Variants in POT1 observed in about 807,000 individuals in gnomAD.
The protein encoded by POT1 is protection of telomeres protein 1.
POT1 carries 47 observed loss-of-function variants against 78.5 expected under a neutral mutation model. That is an observed-to-expected ratio of 0.60 (90% CI 0.47 to 0.76). The LOEUF (loss-of-function observed/expected upper bound fraction) is 0.76. Among genes scored for constraint, POT1 ranks in the 30% least tolerant of loss-of-function variants. The pLI is 0.00. For missense variants in POT1, 646 were observed against 749.9 expected (o/e 0.86, Z 1.62); for synonymous variants, 259 against 260.7 (o/e 0.99, Z 0.06).
chr7:124,908,255 G>C (rs772805509), intron 3 of POT1, among the ~76,000 whole-genome samples: 7 of 152,034 alleles, frequency 4.6e-5, no homozygotes, highest in Non-Finnish European at 7.4e-5. Flanking sequence ...TGATAGTGCA[G>C]TGATTGACAG....
At chr7:124,863,679 A>C (rs1440582222) in intron 7 of POT1, 39 bp from the exon 8 acceptor site, 1 of 1,477,172 alleles carries the variant, frequency 6.8e-7, no homozygotes, top group Non-Finnish European at 9.2e-7. Context: ...GATACAAATA[A>C]AATAGCTTAC....
At chr7:124,862,093 T>C (rs1308812824) in intron 8 of POT1, among the ~76,000 whole-genome samples, 1 of 152,190 alleles carries the variant, frequency 6.6e-6, no homozygotes, top group Non-Finnish European at 1.5e-5. Flanking sequence ...ATGGGCTCTT[T>C]TTTGACTTTT....
intron 6 of POT1, among the ~76,000 whole-genome samples, chr7:124,890,553 T>G (rs1184587384): frequency 6.6e-6 from 1 of 151,872 alleles, no homozygotes; most frequent in Non-Finnish European, 1.5e-5. Flanking sequence ...TCAATTGATA[T>G]GAGAAACTTC....
chr7:124,878,819 G>A (rs180842472), intron 6 of POT1, among the ~76,000 whole-genome samples: 2 of 152,130 alleles, frequency 1.3e-5, no homozygotes, highest in Admixed American at 1.3e-4. Flanking sequence ...CATAGAGATA[G>A]CCAAAGAATG....
Position 124,856,790 on chromosome 7 carries a change from A to T in POT1, c.702+2167T>A, listed in dbSNP as rs192810671. Among the ~76,000 whole-genome samples, 3 of 152,352 alleles carry T rather than the reference A, an allele frequency of 2.0e-5. No homozygotes were observed. In the East Asian group the frequency reaches 5.8e-4, roughly 29 times the overall value. On this transcript the variant is annotated intron_variant, in intron 9 of 18. Coordinates refer to ENST00000357628, the MANE Select transcript of POT1 (RefSeq NM_015450.3). ...TGTAAATTCATTTTATTTATGAAAG[A>T]ACTCTATGAAAAAACCTCCAGAACT...
At chr7:124,865,149 A>G (rs1795690027) in intron 7 of POT1, among the ~76,000 whole-genome samples, 1 of 152,068 alleles carries the variant, frequency 6.6e-6, no homozygotes, top group Admixed American at 6.6e-5. Flanking sequence ...TCTGGGTGTC[A>G]CTGTCTCTGG....
chr7:124,833,406 A>T (rs1261677092), intron 15 of POT1, among the ~76,000 whole-genome samples: 1 of 152,190 alleles, frequency 6.6e-6, no homozygotes, highest in Non-Finnish European at 1.5e-5. Flanking sequence ...ACAAATGTAG[A>T]AGTCGGAAAG....
At chr7:124,849,740 A>T (rs1359159366) in intron 11 of POT1, among the ~76,000 whole-genome samples, 4 of 152,166 alleles carry the variant, frequency 2.6e-5, no homozygotes, top group Admixed American at 2.6e-4. Context: ...ATGAAAAATG[A>T]AAAAAGCATA....
chr7:124,859,904 T>G (rs527280807), intron 8 of POT1, among the ~76,000 whole-genome samples: 17 of 151,624 alleles, frequency 1.1e-4, no homozygotes, highest in Non-Finnish European at 2.5e-4. Flanking sequence ...GATCAACAAA[T>G]TTATTAAATT....
At chr7:124,890,042 G>A (rs1302020193) in intron 6 of POT1, among the ~76,000 whole-genome samples, 3 of 151,744 alleles carry the variant, frequency 2.0e-5, no homozygotes, top group African/African-American at 4.8e-5. Context: ...GATGGACTGC[G>A]GCAAAGTAAA....
intron 2 of POT1, among the ~76,000 whole-genome samples, chr7:124,925,296 T>A (rs559739353): frequency 6.6e-6 from 1 of 151,966 alleles, no homozygotes; most frequent in African/African-American, 2.4e-5. Context: ...AAATCAGTAA[T>A]GTTTCTATAC....
chr7:124,881,443 C>T (rs1260952979), intron 6 of POT1, among the ~76,000 whole-genome samples: 2 of 151,738 alleles, frequency 1.3e-5, no homozygotes, highest in Non-Finnish European at 2.9e-5. Context: ...GTTAAGAGAA[C>T]AAGTGGCATT....
At chr7:124,836,369 C>A (rs533228619) in intron 14 of POT1, among the ~76,000 whole-genome samples, 2 of 152,218 alleles carry the variant, frequency 1.3e-5, no homozygotes, top group East Asian at 3.9e-4. Flanking sequence ...AGCCAGAGTT[C>A]TGCTATATCA....
rs544733987 is a variant in POT1 at position 124,823,352 on chromosome 7, T to A, written c.*610A>T. 4 of 151,992 alleles carry A rather than the reference T, an allele frequency of 2.6e-5. No homozygotes were observed. Among genetic ancestry groups the A allele is most frequent in the African/African-American group, 9.6e-5 (4 of 41,546 alleles). The allele number at this position is 151,992 out of a possible 1,614,324, so 9.4% of individuals were successfully genotyped here. Reference sequence around the variant, plus strand: ...ATACACAAATCTATATATATATATATAAATGTTTGTATAAAATTGAATATT... The same window carrying A: ...ATACACAAATCTATATATATATATAAAAATGTTTGTATAAAATTGAATATT... On this transcript the variant is annotated 3_prime_UTR_variant, in exon 19 of 19. Transcript: ENST00000357628.
At chr7:124,878,869 C>T (rs1424301236) in intron 6 of POT1, among the ~76,000 whole-genome samples, 2 of 151,670 alleles carry the variant, frequency 1.3e-5, no homozygotes. Flanking sequence ...TATAAATGCT[C>T]ATAATTATGA....
intron 8 of POT1, among the ~76,000 whole-genome samples, chr7:124,861,760 T>C (rs7807707): frequency 0.62 from 94,846 of 151,962 alleles, 30,004 homozygotes; most frequent in African/African-American, 0.72. Context: ...GTCTTTAATC[T>C]ATCTTGAATT....
intron 8 of POT1, among the ~76,000 whole-genome samples, chr7:124,862,418 T>C (rs188810416): frequency 1.6e-4 from 25 of 152,322 alleles, no homozygotes; most frequent in African/African-American, 5.3e-4. Context: ...AGATTCGCTC[T>C]AAGTTTGTTT....
At chr7:124,847,115 C>A in intron 11 of POT1, 117 bp from the exon 12 acceptor site, 1 of 649,626 alleles carries the variant, frequency 1.5e-6, no homozygotes, top group Non-Finnish European at 2.7e-6. Context: ...TGAGATATGC[C>A]ACATTCATGA....
At chr7:124,900,809 CT>C in intron 3 of POT1, 2 of 397,850 alleles carry the variant, frequency 5.0e-6, no homozygotes, top group Non-Finnish European at 5.2e-6. Flanking sequence ...TAATACTGTG[CT>C]TTTCCAACGG....
Sources: allele counts gnomAD v4.1 joint callset (sites outside exome capture counted in the v4.1 genomes callset), GRCh38; gene constraint gnomAD v4.1.1; transcripts MANE v1.5; gene names NCBI Gene and HGNC (gene_info 2026-07-23, HGNC 2026-07-21).